Variants in HIBCH observed in about 807,000 individuals in gnomAD.
HIBCH encodes 3-hydroxyisobutyryl-CoA hydrolase, also known as 3-hydroxyisobutyryl-CoA hydrolase, mitochondrial.
HIBCH carries 50 observed loss-of-function variants against 58.2 expected under a neutral mutation model. The observed-to-expected ratio is 0.86, with a 90% CI of 0.68 to 1.09. The LOEUF is 1.09. Ranked by LOEUF, HIBCH falls within the 50% of genes least tolerant of loss-of-function variation. The pLI is 0.00. For missense variants in HIBCH, 450 were observed against 449.7 expected (o/e 1.00, Z -0.01); for synonymous variants, 151 against 146.9 (o/e 1.03, Z -0.20).
At chr2:190,226,894 G>A (rs1342682493) in intron 11 of HIBCH, among the ~76,000 whole-genome samples, 1 of 152,032 alleles carries the variant, frequency 6.6e-6, no homozygotes, top group Non-Finnish European at 1.5e-5. Flanking sequence ...CCTCTTCAAG[G>A]AGAACTACAA....
At chr2:190,277,048 G>A (rs1026918887) in intron 6 of HIBCH, among the ~76,000 whole-genome samples, 3 of 152,052 alleles carry the variant, frequency 2.0e-5, no homozygotes, top group Admixed American at 1.3e-4. Context: ...ATTAACTTAA[G>A]AAAATGCAAC....
At chr2:190,224,819 C>T (rs1262367567) in intron 11 of HIBCH, among the ~76,000 whole-genome samples, 1 of 152,196 alleles carries the variant, frequency 6.6e-6, no homozygotes, top group African/African-American at 2.4e-5. Flanking sequence ...CACCCCAAAT[C>T]AACAGAATAT....
chr2:190,292,079 T>A (rs999884452), intron 4 of HIBCH, among the ~76,000 whole-genome samples: 4 of 152,056 alleles, frequency 2.6e-5, no homozygotes, highest in Non-Finnish European at 4.4e-5. Context: ...ACCTCCCAGG[T>A]TGAAGTGATT....
chr2:190,303,750 G>C (rs1303750698), intron 2 of HIBCH, among the ~76,000 whole-genome samples: 1 of 152,098 alleles, frequency 6.6e-6, no homozygotes, highest in Non-Finnish European at 1.5e-5. Flanking sequence ...GCATGAAAGG[G>C]AAAAATAGCA....
Position 190,211,116 on chromosome 2 carries a change from CACCTATGTACCTGGA to C in HIBCH, c.1011+1825_1011+1839del, listed in dbSNP as rs371610157. The stretch of plus-strand genomic sequence containing the variant: ...CTTTTCAACCTCAACCCCTGGAGCA[CACCTATGTACCTGGA>C]ACCTATGTACCTGGGTACCTCTAAC... On this transcript the variant is annotated intron_variant, in intron 12 of 13. Transcript: ENST00000359678. This position sits in a 1 kb window ranked among gnomAD's most constrained non-coding sequence, Gnocchi z 5.0. 6.6e-6 allele frequency among the ~76,000 whole-genome samples: 1 copy of C among 152,172 alleles called. No homozygotes were observed. The highest frequency in any genetic ancestry group is 2.4e-5 in the African/African-American group (1 of 41,440).
chr2:190,197,294 G>GTAAC lies in HIBCH; in HGVS notation c.*18-7301_*18-7298dup, dbSNP rs1397382077. Among the ~76,000 whole-genome samples, 1 of 152,190 alleles carries GTAAC rather than the reference G, an allele frequency of 6.6e-6. No homozygotes were observed. On this transcript the variant is annotated intron_variant, in intron 1 of 1. Transcript: ENST00000399855. The surrounding 1 kb of genome is among the most constrained non-coding windows in gnomAD (Gnocchi z 4.0). ...CCTAAGGTGTCGCATTTCTTGAGTA[G>GTAAC]TAACTAAATACGAAAGTGTTCAATG...
At chr2:190,259,271 G>A (rs538805894) in intron 7 of HIBCH, among the ~76,000 whole-genome samples, 1 of 149,112 alleles carries the variant, frequency 6.7e-6, no homozygotes, top group South Asian at 2.1e-4. Context: ...ATTTATTTGT[G>A]TCTTCTTCAA....
intron 1 of HIBCH, among the ~76,000 whole-genome samples, chr2:190,314,371 GTATATA>G (rs1352354099): frequency 2.6e-5 from 2 of 78,426 alleles, no homozygotes; most frequent in Non-Finnish European, 2.7e-5. Flanking sequence ...ATATATATAC[GTATATA>G]TGTGTATATA....
chr2:190,291,186 G>A (rs1448363500), intron 4 of HIBCH, among the ~76,000 whole-genome samples: 2 of 152,036 alleles, frequency 1.3e-5, no homozygotes, highest in Non-Finnish European at 2.9e-5. Flanking sequence ...AAATATTTCT[G>A]CCACATTCAT....
intron 5 of HIBCH, among the ~76,000 whole-genome samples, chr2:190,287,934 A>T (rs1230558856): frequency 6.6e-6 from 1 of 152,036 alleles, no homozygotes; most frequent in East Asian, 1.9e-4. Context: ...AGGTGGGAGG[A>T]TTGCTTGAGG....
intron 6 of HIBCH, among the ~76,000 whole-genome samples, chr2:190,274,681 T>C (rs978313363): frequency 6.6e-6 from 1 of 152,116 alleles, no homozygotes; most frequent in Non-Finnish European, 1.5e-5. Flanking sequence ...CACAGAAGAT[T>C]ATCCAGGGAG....
intron 6 of HIBCH, among the ~76,000 whole-genome samples, chr2:190,285,407 T>TGC (rs1348207528): frequency 6.6e-6 from 1 of 152,158 alleles, no homozygotes; most frequent in East Asian, 1.9e-4. Context: ...TGCAGTACTT[T>TGC]TTTCAGAGAG....
intron 1 of HIBCH, among the ~76,000 whole-genome samples, chr2:190,191,936 T>G (rs983212024): frequency 6.6e-6 from 1 of 152,198 alleles, no homozygotes; most frequent in Non-Finnish European, 1.5e-5. Flanking sequence ...AACTGTGTTT[T>G]TTTTTCCAGA....
chr2:190,271,802 A>G lies in HIBCH; in HGVS notation c.439-10568T>C, dbSNP rs546714251. Among the ~76,000 whole-genome samples the G allele has an allele frequency of 6.6e-5, 10 of 152,290 alleles. No homozygotes were observed. The South Asian group carries it at 1.9e-3, about 28-fold the overall frequency. ...GAAGATCAACTACTTAACATGTCCT[A>G]TAAGAGAGCTGATCTGGCTTCTTGC... On this transcript the variant is annotated intron_variant, in intron 6 of 13. Transcript: ENST00000359678.
At chr2:190,240,035 C>T (rs1269360046) in intron 11 of HIBCH, among the ~76,000 whole-genome samples, 1 of 152,074 alleles carries the variant, frequency 6.6e-6, no homozygotes, top group African/African-American at 2.4e-5. Flanking sequence ...GGGAGGAGTC[C>T]CTCTTTTTGT....
intron 2 of HIBCH, among the ~76,000 whole-genome samples, chr2:190,302,140 TCTC>T (rs560992366): frequency 2.0e-5 from 3 of 152,290 alleles, no homozygotes; most frequent in Admixed American, 2.0e-4. Flanking sequence ...GAGCTTTACT[TCTC>T]CTAAAGGGCT....
At chr2:190,234,777 G>A (rs1335819724) in intron 11 of HIBCH, among the ~76,000 whole-genome samples, 1 of 151,990 alleles carries the variant, frequency 6.6e-6, no homozygotes, top group Non-Finnish European at 1.5e-5. Flanking sequence ...TTCAACTTGG[G>A]AGGTGGAGGC....
chr2:190,223,106 C>CA (rs1685771482), intron 11 of HIBCH, among the ~76,000 whole-genome samples: 1 of 152,252 alleles, frequency 6.6e-6, no homozygotes, highest in South Asian at 2.1e-4. Flanking sequence ...GAACATCACA[C>CA]ACTGAGACCT....
At position 190,273,560 on chromosome 2, in the gene HIBCH, G is replaced by C. The variant is rs541786828; in HGVS notation, c.439-12326C>G. Among the ~76,000 whole-genome samples the C allele has an allele frequency of 1.1e-4, 17 of 152,176 alleles. No individual in the cohort carries two copies. In the East Asian group the frequency reaches 3.3e-3, roughly 29 times the overall value. On this transcript the variant is annotated intron_variant, in intron 6 of 13. Coordinates refer to ENST00000359678, the MANE Select transcript of HIBCH (RefSeq NM_014362.4). ...TGGAGAAAGTTGAATAATCAATATA[G>C]ATAAAAACGAATGTATATAAACATA...
Sources: allele counts gnomAD v4.1 joint callset (sites outside exome capture counted in the v4.1 genomes callset), GRCh38; gene constraint gnomAD v4.1.1; non-coding constraint Gnocchi (gnomAD v3.1); transcripts MANE v1.5; gene names NCBI Gene and HGNC (gene_info 2026-07-23, HGNC 2026-07-21).